IFT80: variants seen among roughly 807,000 people sequenced by gnomAD.
The protein encoded by IFT80 is intraflagellar transport protein 80 homolog.
Under a neutral mutation model 107.9 loss-of-function variants are expected in IFT80, and 79 were observed. That is an observed-to-expected ratio of 0.73 (90% CI 0.61 to 0.88). The LOEUF (loss-of-function observed/expected upper bound fraction) is 0.88. IFT80 is among the 40% of genes least tolerant of loss of function. The probability of loss-of-function intolerance (pLI) is 0.00; values close to 1 mark genes in which losing one functional copy is unlikely to be tolerated. For missense variants in IFT80, 797 were observed against 914.2 expected (o/e 0.87, Z 1.65); for synonymous variants, 299 against 300.9 (o/e 0.99, Z 0.07).
chr3:160,372,882 T>A (rs1052035075), intron 5 of IFT80, among the ~76,000 whole-genome samples: 12 of 152,180 alleles, frequency 7.9e-5, no homozygotes, highest in Admixed American at 7.9e-4. Flanking sequence ...AAAATCTTGT[T>A]TACCCATCTA....
At chr3:160,344,222 A>C (rs1720120150) in intron 8 of IFT80, among the ~76,000 whole-genome samples, 1 of 152,148 alleles carries the variant, frequency 6.6e-6, no homozygotes, top group Non-Finnish European at 1.5e-5. Flanking sequence ...TTCCAATTCC[A>C]GAATTTCTAT....
chr3:160,309,114 G>A (rs1167480622), intron 9 of IFT80, among the ~76,000 whole-genome samples: 2 of 152,182 alleles, frequency 1.3e-5, no homozygotes, highest in African/African-American at 4.8e-5. Flanking sequence ...GGTATGTTAT[G>A]TCTTTTTACT....
chr3:160,313,045 A>G (rs1280173980), intron 9 of IFT80, among the ~76,000 whole-genome samples: 6 of 95,354 alleles, frequency 6.3e-5, no homozygotes, highest in African/African-American at 2.4e-4. Flanking sequence ...AATATATAAT[A>G]TATAATAAAT....
intron 8 of IFT80, among the ~76,000 whole-genome samples, chr3:160,321,786 G>C (rs1718237459): frequency 6.6e-6 from 1 of 151,738 alleles, no homozygotes; most frequent in Non-Finnish European, 1.5e-5. Context: ...AAAAAGGGAG[G>C]ACTACCAAAT....
At chr3:160,291,180 G>A (rs978564106) in intron 12 of IFT80, among the ~76,000 whole-genome samples, 2 of 152,106 alleles carry the variant, frequency 1.3e-5, no homozygotes, top group Non-Finnish European at 2.9e-5. Flanking sequence ...CTGGGATTTT[G>A]GACTAGAGAA....
At chr3:160,379,311 A>G (rs1446977835) in intron 3 of IFT80, among the ~76,000 whole-genome samples, 2 of 152,242 alleles carry the variant, frequency 1.3e-5, no homozygotes, top group African/African-American at 4.8e-5. Context: ...AGACACAACA[A>G]AAACAATATG....
intron 12 of IFT80, among the ~76,000 whole-genome samples, chr3:160,286,582 G>T (rs1199290207): frequency 6.6e-6 from 1 of 152,136 alleles, no homozygotes; most frequent in African/African-American, 2.4e-5. Context: ...GTTTAGTTAA[G>T]GAAAACTCAG....
intron 9 of IFT80, among the ~76,000 whole-genome samples, chr3:160,311,893 G>A (rs554312932): frequency 3.3e-5 from 5 of 152,180 alleles, no homozygotes; most frequent in South Asian, 2.1e-4. Context: ...GGGCTCTTCC[G>A]CCTCAGCCTC....
intron 18 of IFT80, chr3:160,268,799 A>G (rs541856789): frequency 9.6e-6 from 4 of 414,904 alleles, no homozygotes; most frequent in Admixed American, 7.7e-5. Context: ...CCATTTATAT[A>G]TATACTATTA....
chr3:160,384,505 C>A, intron 2 of IFT80, 59 bp downstream of exon 2: 15 of 1,373,858 alleles, frequency 1.1e-5, no homozygotes, highest in South Asian at 4.3e-5. Context: ...AATAGAGAAA[C>A]TTTTAACAAT....
At position 160,377,728 on chromosome 3, in the gene IFT80, T is replaced by C; in HGVS notation, c.260-188A>G. ...AATTATTTAAATATTTTAAAATAAATTGAAAATGCATATGCTTACGTGGTT... is the reference window on the plus strand; with the variant it reads ...AATTATTTAAATATTTTAAAATAAACTGAAAATGCATATGCTTACGTGGTT... On this transcript the variant is annotated intron_variant, in intron 3 of 19. Coordinates refer to ENST00000326448, the MANE Select transcript of IFT80 (RefSeq NM_020800.3). 17 of 451,986 alleles carry C rather than the reference T, an allele frequency of 3.8e-5. No individual in the cohort carries two copies. In the South Asian group the frequency reaches 5.5e-4, roughly 15 times the overall value. 28.0% of individuals were successfully genotyped at this position (451,986 alleles called of 1,614,324 possible).
intron 12 of IFT80, among the ~76,000 whole-genome samples, chr3:160,296,972 T>C (rs1370663917): frequency 6.6e-6 from 1 of 152,192 alleles, no homozygotes; most frequent in Non-Finnish European, 1.5e-5. Flanking sequence ...GTTTTGTTCT[T>C]TGCTGCCTTT....
intron 1 of IFT80, among the ~76,000 whole-genome samples, chr3:160,396,546 T>C (rs1713792175): frequency 6.6e-6 from 1 of 152,176 alleles, no homozygotes; most frequent in Non-Finnish European, 1.5e-5. Context: ...TTCCAATTTT[T>C]CTCTTTGAAC....
chr3:160,304,500 A>C (rs1394771009), intron 10 of IFT80, among the ~76,000 whole-genome samples: 2 of 150,526 alleles, frequency 1.3e-5, no homozygotes, highest in Non-Finnish European at 3.0e-5. Context: ...CAGTGGCACA[A>C]TCTCGGCTCA....
At position 160,268,441 on chromosome 3, in the gene IFT80, T is replaced by C. The variant is rs1713520779; in HGVS notation, c.2195A>G (p.Asn732Ser). The change falls in exon 19 of 20, where the codon AAT becomes AGT. Residue 732 changes from asparagine to serine, a missense_variant. Physicochemically the swap from Asn to Ser is conservative, Grantham distance 46. Transcript: ENST00000326448. ...FLETFGKQET[N>S]KRYLHYAEGL... ...TTCTGCATAATGCAAGTATCGTTTA[T>C]TAGTTTCCTGTTTACCAAATGTCTC... 3 of 1,613,328 alleles carry C rather than the reference T, an allele frequency of 1.9e-6. No individual in the cohort carries two copies. The highest frequency in any genetic ancestry group is 2.5e-6 in the Non-Finnish European group (3 of 1,179,344).
intron 18 of IFT80, chr3:160,268,814 A>C (rs1713562492): frequency 2.6e-6 from 1 of 382,352 alleles, no homozygotes; most frequent in African/African-American, 2.1e-5. Context: ...CTATTATTAC[A>C]GCACTCCTTA....
chr3:160,355,423 A>AT (rs997740911), intron 8 of IFT80, among the ~76,000 whole-genome samples: 7 of 151,684 alleles, frequency 4.6e-5, no homozygotes, highest in South Asian at 2.1e-4. Flanking sequence ...AAATTTTTCA[A>AT]TTTTTTTTAT....
At chr3:160,286,676 G>A (rs1490448419) in intron 12 of IFT80, among the ~76,000 whole-genome samples, 1 of 152,168 alleles carries the variant, frequency 6.6e-6, no homozygotes, top group Non-Finnish European at 1.5e-5. Flanking sequence ...GCATGTCAAA[G>A]CACCATATTT....
At chr3:160,379,093 A>G (rs991667903) in intron 3 of IFT80, among the ~76,000 whole-genome samples, 1 of 152,238 alleles carries the variant, frequency 6.6e-6, no homozygotes, top group Non-Finnish European at 1.5e-5. Flanking sequence ...TAAGGTTAAC[A>G]TCACCAATAA....
Sources: gnomAD v4.1 joint callset for allele counts (sites outside exome capture counted in the v4.1 genomes callset) on GRCh38, gnomAD v4.1.1 for gene constraint, MANE v1.5 for transcripts, NCBI Gene and HGNC (gene_info 2026-07-23, HGNC 2026-07-21) for gene names.